L3MBTL1: variants seen among roughly 807,000 people sequenced by gnomAD.
The protein encoded by L3MBTL1 is lethal(3)malignant brain tumor-like protein 1.
Under a neutral mutation model 105.3 loss-of-function variants are expected in L3MBTL1, and 75 were observed. The ratio of observed to expected loss-of-function variants is 0.71; its 90% CI spans 0.59 to 0.86. The LOEUF (loss-of-function observed/expected upper bound fraction) is 0.86, where lower values mean the gene tolerates loss of function less well. L3MBTL1 is among the 40% of genes least tolerant of loss of function. The pLI is 0.00. For missense variants in L3MBTL1, 1,069 were observed against 1,126.4 expected (o/e 0.95, Z 0.73); for synonymous variants, 452 against 436.2 (o/e 1.04, Z -0.45).
chr20:43,536,321 G>A (rs545234707), intron 18 of L3MBTL1, 27 bp downstream of exon 18: 29 of 1,611,872 alleles, frequency 1.8e-5, no homozygotes, highest in East Asian at 6.7e-5. Flanking sequence ...ATCAGGGCCC[G>A]GGCTTCCTGG....
intron 1 of L3MBTL1, among the ~76,000 whole-genome samples, chr20:43,511,582 G>T (rs544747811): frequency 6.6e-6 from 1 of 152,054 alleles, no homozygotes; most frequent in East Asian, 1.9e-4. Context: ...AGGAGTTCCA[G>T]TCCAGCCTGG....
intron 13 of L3MBTL1, 94 bp downstream of exon 13, chr20:43,533,512 C>T (rs1600945563): frequency 9.5e-7 from 1 of 1,054,718 alleles, no homozygotes; most frequent in Non-Finnish European, 1.4e-6. Context: ...GTAGCTGGCT[C>T]TCTAGGGTCA....
At chr20:43,521,551 C>T (rs1019387650) in intron 7 of L3MBTL1, among the ~76,000 whole-genome samples, 1 of 151,954 alleles carries the variant, frequency 6.6e-6, no homozygotes, top group Non-Finnish European at 1.5e-5. Flanking sequence ...GTTGGGAGCA[C>T]GTGAAGATCA....
intron 19 of L3MBTL1, among the ~76,000 whole-genome samples, chr20:43,538,711 CTG>C (rs1335849910): frequency 5.9e-5 from 9 of 152,188 alleles, no homozygotes; most frequent in Non-Finnish European, 1.2e-4. Context: ...AGATAAGACA[CTG>C]TAACTGCTGG....
intron 7 of L3MBTL1, chr20:43,523,278 A>T (rs1254873130): frequency 1.0e-5 from 2 of 190,812 alleles, no homozygotes; most frequent in African/African-American, 4.7e-5. Flanking sequence ...ACTGATTCCA[A>T]GCTTGGCGAC....
intron 7 of L3MBTL1, among the ~76,000 whole-genome samples, chr20:43,521,816 T>C (rs1204164905): frequency 1.3e-5 from 2 of 152,192 alleles, no homozygotes; most frequent in Non-Finnish European, 2.9e-5. Flanking sequence ...GCCTTCTGAG[T>C]AGCTGGGACT....
chr20:43,543,918 G>T (rs1311307910), downstream of L3MBTL1, among the ~76,000 whole-genome samples: 1 of 152,222 alleles, frequency 6.6e-6, no homozygotes, highest in Non-Finnish European at 1.5e-5. Flanking sequence ...TCTGCTTTGT[G>T]CCTGGCCTTG....
Position 43,536,189 on chromosome 20 carries a change from G to A in L3MBTL1, c.2018G>A (p.Arg673Lys), listed in dbSNP as rs35845394. ...HCLSGCPLAE[R>K]NQSRLKAELS... ...CTCTCAGGCTGCCCACTGGCTGAGA[G>A]GAACCAGAGCCGGCTGAAAGCGGAG... Residue 673 changes from arginine (R) to lysine (K), a missense_variant, in exon 18 of 22, where the codon AGG (arginine) becomes AAG (lysine). Transcript: ENST00000418998. 2.5e-4 allele frequency: 408 copies of A among 1,613,500 alleles called. 2 individuals are homozygous for A. In the African/African-American group the frequency reaches 4.8e-3, roughly 19 times the overall value.
rs778355165 is a variant in L3MBTL1, at chr20:43,522,456, A to ATTTTTTTTTTTTTTTTTTTTTTTTT, written c.863-6201_863-6200insTTTTTTTTTTTTTTTTTTTTTTTTT. Among the ~76,000 whole-genome samples the ATTTTTTTTTTTTTTTTTTTTTTTTT allele has an allele frequency of 1.0e-4, 9 of 89,872 alleles. 2 individuals are homozygous for ATTTTTTTTTTTTTTTTTTTTTTTTT. The highest frequency in any genetic ancestry group is 6.9e-5 in the Non-Finnish European group (3 of 43,202). 59.0% of individuals were successfully genotyped at this position (89,872 alleles called of 152,430 possible). A position where few individuals can be genotyped will look rare whatever the true frequency, so the allele number is the denominator to read the frequency against. On this transcript the variant is annotated intron_variant, in intron 7 of 21. Coordinates refer to ENST00000418998, the MANE Select transcript of L3MBTL1 (RefSeq NM_001377303.1). ...ATGGTAACTGAATTTTTCCCTGCTA[A>ATTTTTTTTTTTTTTTTTTTTTTTTT]GTTTTTTTTTTTTTTTTTTTTTTTT...
Position 43,528,425 on chromosome 20 carries a change from C to T in L3MBTL1, c.863-232C>T, listed in dbSNP as rs371895075. On this transcript the variant is annotated intron_variant, in intron 7 of 21. Coordinates refer to ENST00000418998, the MANE Select transcript of L3MBTL1 (RefSeq NM_001377303.1). ...CCAGAGTACTTCTGCTGACAGTGGC[C>T]TGAGCGGGTGGGGGGGAAGTGACGG... Among the ~76,000 whole-genome samples the T allele has an allele frequency of 3.3e-5, 5 of 152,242 alleles. 1 individual carries two copies. The highest frequency in any genetic ancestry group is 1.3e-4 in the Admixed American group (2 of 15,288).
rs531085763 is a variant in L3MBTL1, at chr20:43,515,132, A to G, written c.626A>G (p.Asp209Gly). The G allele has an allele frequency of 1.9e-6, 3 of 1,614,104 alleles. No homozygotes were observed. In the South Asian group the frequency reaches 3.3e-5, roughly 18 times the overall value. Residue 209 changes from aspartate to glycine, a missense_variant, in exon 5 of 22, where the codon GAT becomes GGT. Asp to Gly is a moderately conservative substitution (Grantham distance 94). Coordinates refer to ENST00000418998, the MANE Select transcript of L3MBTL1 (RefSeq NM_001377303.1). ...AAGPDLGSSN[D>G]GCPQLFQERS... ...GGTCCAGATCTTGGTTCCTCTAATG[A>G]TGGCTGCCCTCAGCTGTTCCAGGAG... is the stretch of plus-strand genomic sequence containing the variant.
At chr20:43,534,116 C>T (rs756994213) in intron 14 of L3MBTL1, 23 bp downstream of exon 14, 4 of 1,599,214 alleles carry the variant, frequency 2.5e-6, no homozygotes, top group Non-Finnish European at 2.6e-6. Context: ...TCCCTGACCC[C>T]AGAGCTGAGC....
intron 8 of L3MBTL1, 168 bp from the exon 9 acceptor site, chr20:43,529,096 T>C: frequency 1.6e-6 from 1 of 618,654 alleles, no homozygotes. Context: ...ACCTGGGAGA[T>C]ATTCTCTCTC....
intron 3 of L3MBTL1, chr20:43,514,378 G>C: frequency 1.4e-6 from 2 of 1,385,356 alleles, no homozygotes; most frequent in Non-Finnish European, 1.9e-6. Flanking sequence ...GGGGTACCGT[G>C]GGACTGGGCC....
chr20:43,537,627 T>A (rs1276631794), intron 19 of L3MBTL1, among the ~76,000 whole-genome samples: 1 of 152,180 alleles, frequency 6.6e-6, no homozygotes, highest in Non-Finnish European at 1.5e-5. Flanking sequence ...AGGGGCATAG[T>A]GGCTGAGCCC....
intron 7 of L3MBTL1, among the ~76,000 whole-genome samples, chr20:43,522,456 A>ATT (rs778355165): frequency 0.046 from 4,114 of 89,572 alleles, 594 homozygotes; most frequent in Non-Finnish European, 0.068. Flanking sequence ...TTCCCTGCTA[A>ATT]GTTTTTTTTT....
chr20:43,540,046 T>G lies in L3MBTL1; in HGVS notation c.2174-105T>G, dbSNP rs779071352. On this transcript the variant is annotated intron_variant, in intron 19 of 21. Transcript: ENST00000418998. Reference sequence around the variant, plus strand: ...GGCTGTCAGAAGGGGCCCGGAGTCCTGTCTACTCTGCCAGCCAGTCTCCTG... The same window carrying G: ...GGCTGTCAGAAGGGGCCCGGAGTCCGGTCTACTCTGCCAGCCAGTCTCCTG... The G allele has an allele frequency of 5.8e-6, 8 of 1,368,602 alleles. No individual in the cohort carries two copies. In the East Asian group the frequency reaches 1.9e-4, roughly 33 times the overall value. 84.8% of individuals were successfully genotyped at this position (1,368,602 alleles called of 1,614,324 possible).
rs781162086 is a variant in L3MBTL1 at position 43,534,373 on chromosome 20, T to C, written c.1689T>C (p.Asp563=). The stretch of plus-strand genomic sequence containing the variant: ...TGATTCGCGTGGCCAGCGTGGAGGA[T>C]GTGGAGGACCATCGGATAAAGGTGG... ...PALIRVASVE[D]VEDHRIKIHF... Residue 563 remains aspartate, a synonymous_variant, in exon 15 of 22, where the codon GAT becomes GAC. Coordinates refer to ENST00000418998, the MANE Select transcript of L3MBTL1 (RefSeq NM_001377303.1). 6.2e-7 allele frequency: 1 copy of C among 1,614,000 alleles called. No homozygotes were observed. The highest frequency in any genetic ancestry group is 8.5e-7 in the Non-Finnish European group (1 of 1,179,950).
downstream of L3MBTL1, among the ~76,000 whole-genome samples, chr20:43,545,505 C>T (rs1280110155): frequency 1.3e-5 from 2 of 152,146 alleles, no homozygotes; most frequent in African/African-American, 4.8e-5. Context: ...CCTGGGATGA[C>T]CACTTGGCAT....
Sources: gnomAD v4.1 joint callset for allele counts (sites outside exome capture counted in the v4.1 genomes callset) on GRCh38, gnomAD v4.1.1 for gene constraint, MANE v1.5 for transcripts, NCBI Gene and HGNC (gene_info 2026-07-23, HGNC 2026-07-21) for gene names.